The following HSPB8 variants were observed in gnomAD, a reference collection of about 807,000 sequenced individuals.
The protein encoded by HSPB8 is heat shock protein family B (small) member 8.
In HSPB8, 9 loss-of-function variants were observed where a neutral mutation model predicts 16.5. The ratio of observed to expected loss-of-function variants is 0.55; its 90% CI spans 0.33 to 0.95. HSPB8 has a LOEUF of 0.95. Among genes scored for constraint, HSPB8 ranks in the 40% least tolerant of loss-of-function variants. The pLI is 0.03. For synonymous variants in HSPB8, 99 were observed against 94.8 expected, an observed-to-expected ratio of 1.04 and a Z score of -0.26; for missense variants, 238 against 251.2, an observed-to-expected ratio of 0.95 and a Z score of 0.35.
chr12:119,186,859 C>G, intron 1 of HSPB8, 166 bp from the exon 2 acceptor site: 1 of 696,090 alleles, frequency 1.4e-6, no homozygotes, highest in Non-Finnish European at 2.6e-6. Context: ...TTAGGTGGGT[C>G]TGTATGGCAG....
intron 2 of HSPB8, among the ~76,000 whole-genome samples, chr12:119,188,214 T>C (rs1370099792): frequency 6.6e-6 from 1 of 151,480 alleles, no homozygotes; most frequent in Non-Finnish European, 1.5e-5. Context: ...TATGTGCGTT[T>C]CTGGCCCCTA....
chr12:119,179,772 G>A (rs60408692), intron 1 of HSPB8, 93 bp downstream of exon 1: 48 of 1,483,338 alleles, frequency 3.2e-5, no homozygotes, highest in East Asian at 2.3e-4. Flanking sequence ...GGGAGCTGAC[G>A]TTGGGACAGT....
rs1457035230 is a variant in HSPB8 at position 119,188,580 on chromosome 12, A to G, written c.431+1492A>G. Among the ~76,000 whole-genome samples, 8 of 152,130 alleles carry G rather than the reference A, an allele frequency of 5.3e-5. 1 individual carries two copies. The highest frequency in any genetic ancestry group is 1.0e-4 in the Non-Finnish European group (7 of 68,014). On this transcript the variant is annotated intron_variant, in intron 2 of 2. Coordinates refer to ENST00000281938, the MANE Select transcript of HSPB8 (RefSeq NM_014365.3). ...TCTTTTCCAAGCCATCGTTGCATTT[A>G]GCCTTTGCAGCAAAAGTGTGCATCG...
chr12:119,188,192 G>A (rs1349360223), intron 2 of HSPB8, among the ~76,000 whole-genome samples: 1 of 151,398 alleles, frequency 6.6e-6, no homozygotes, highest in Non-Finnish European at 1.5e-5. Context: ...TCAGCAATCA[G>A]CGTCACTCCA....
chr12:119,184,228 A>G (rs566148219), intron 1 of HSPB8, among the ~76,000 whole-genome samples: 6 of 152,344 alleles, frequency 3.9e-5, no homozygotes, highest in Admixed American at 2.6e-4. Context: ...AAATGACAAT[A>G]ATGAAAATGC....
intron 1 of HSPB8, 150 bp downstream of exon 1, chr12:119,179,829 T>C: frequency 9.2e-7 from 1 of 1,086,648 alleles, no homozygotes; most frequent in South Asian, 2.0e-5. Context: ...TGCAAAGTTA[T>C]CTTTACGGAA....
intron 2 of HSPB8, among the ~76,000 whole-genome samples, chr12:119,191,197 T>C (rs894397901): frequency 1.3e-5 from 2 of 152,170 alleles, no homozygotes; most frequent in African/African-American, 4.8e-5. Context: ...ATTGCCCCCT[T>C]TTTTTCTGCA....
At chr12:119,192,418 A>G (rs932969530) in intron 2 of HSPB8, among the ~76,000 whole-genome samples, 3 of 152,122 alleles carry the variant, frequency 2.0e-5, no homozygotes, top group Non-Finnish European at 4.4e-5. Flanking sequence ...GCACTTTGGG[A>G]GGCTGAGGTG....
intron 1 of HSPB8, among the ~76,000 whole-genome samples, chr12:119,185,375 C>T (rs909010138): frequency 6.6e-6 from 1 of 151,974 alleles, no homozygotes; most frequent in African/African-American, 2.4e-5. Flanking sequence ...CACCCTTTTG[C>T]TGGGCTGGAG....
At chr12:119,180,276 T>A (rs1165634130) in intron 1 of HSPB8, among the ~76,000 whole-genome samples, 1 of 152,212 alleles carries the variant, frequency 6.6e-6, no homozygotes, top group East Asian at 1.9e-4. Flanking sequence ...AGGTGGGTAC[T>A]GTTTATCTTC....
chr12:119,186,738 A>T (rs555956677), intron 1 of HSPB8: 1 of 427,226 alleles, frequency 2.3e-6, no homozygotes, highest in Admixed American at 3.5e-5. Context: ...TACAACACAG[A>T]AGTTTCTGCG....
At position 119,187,101 on chromosome 12, in the gene HSPB8, G is replaced by C. The variant is rs778427721; in HGVS notation, c.431+13G>C. On this transcript the variant is annotated intron_variant, in intron 2 of 2. Coordinates refer to ENST00000281938, the MANE Select transcript of HSPB8 (RefSeq NM_014365.3). ...CAAAGAAAATCCAGTAAGTAACCTG[G>C]AGTCATGGAGCTCAGGGTGGGAGTG... 1 of 1,610,396 alleles carries C rather than the reference G, an allele frequency of 6.2e-7. No individual in the cohort carries two copies. The highest frequency in any genetic ancestry group is 8.5e-7 in the Non-Finnish European group (1 of 1,176,724).
Position 119,179,514 on chromosome 12 carries a change from A to G in HSPB8, c.202A>G (p.Met68Val), listed in dbSNP as rs1238299634. The G allele has an allele frequency of 1.2e-6, 2 of 1,613,784 alleles. No individual in the cohort carries two copies. Among genetic ancestry groups the G allele is most frequent in the Admixed American group, 1.7e-5 (1 of 60,016 alleles). ...CTGGCCAGGCACCCTAAGGTCGGGC[A>G]TGGTGCCCCGGGGCCCCACTGCCAC... ...SAWPGTLRSG[M>V]VPRGPTATAR... The change falls in exon 1 of 3, where the codon ATG (methionine) becomes GTG (valine). Residue 68 changes from methionine (M) to valine (V), a missense_variant. Physicochemically the swap from Met to Val is conservative, Grantham distance 21 (BLOSUM62 1). Coordinates refer to ENST00000281938, the MANE Select transcript of HSPB8 (RefSeq NM_014365.3).
At chr12:119,181,297 A>C (rs866966634) in intron 1 of HSPB8, among the ~76,000 whole-genome samples, 1 of 152,198 alleles carries the variant, frequency 6.6e-6, no homozygotes, top group African/African-American at 2.4e-5. Context: ...GAGAGACATG[A>C]GACATCAATC....
intron 2 of HSPB8, among the ~76,000 whole-genome samples, chr12:119,191,927 A>G (rs1954715038): frequency 6.6e-6 from 1 of 152,188 alleles, no homozygotes; most frequent in Non-Finnish European, 1.5e-5. Flanking sequence ...CAATTTCCTC[A>G]TCTGTAAGAT....
At chr12:119,182,333 G>A (rs1457108301) in intron 1 of HSPB8, 2 of 152,124 alleles carry the variant, frequency 1.3e-5, no homozygotes, top group Non-Finnish European at 2.9e-5. Flanking sequence ...GATATCAGGA[G>A]CTCTATTTAA....
chr12:119,183,552 T>C (rs1954653207), intron 1 of HSPB8, among the ~76,000 whole-genome samples: 1 of 152,238 alleles, frequency 6.6e-6, no homozygotes, highest in African/African-American at 2.4e-5. Flanking sequence ...TGACTTCTCC[T>C]AGCCTCTGGA....
At chr12:119,183,458 ACTTT>A (rs1291210152) in intron 1 of HSPB8, among the ~76,000 whole-genome samples, 2 of 152,142 alleles carry the variant, frequency 1.3e-5, no homozygotes, top group South Asian at 2.1e-4. Context: ...TGGAAACAGC[ACTTT>A]CTTTCTTTAG....
chr12:119,188,926 T>A (rs1954693876), intron 2 of HSPB8, among the ~76,000 whole-genome samples: 1 of 152,214 alleles, frequency 6.6e-6, no homozygotes, highest in Non-Finnish European at 1.5e-5. Context: ...AAATTCTGTG[T>A]GTGGAGAGAT....
Sources: allele counts gnomAD v4.1 joint callset (sites outside exome capture counted in the v4.1 genomes callset), GRCh38; gene constraint gnomAD v4.1.1; transcripts MANE v1.5; gene names NCBI Gene and HGNC (gene_info 2026-07-23, HGNC 2026-07-21).